AZIN2: variants seen among roughly 807,000 people sequenced by gnomAD.
AZIN2 encodes the protein antizyme inhibitor 2.
Under a neutral mutation model 47.8 loss-of-function variants are expected in AZIN2, and 28 were observed. The ratio of observed to expected loss-of-function variants is 0.59; its 90% CI spans 0.43 to 0.80. The LOEUF (loss-of-function observed/expected upper bound fraction) is 0.80, where lower values mean the gene tolerates loss of function less well. AZIN2 is among the 30% of genes least tolerant of loss of function. AZIN2 has a pLI of 0.00. For synonymous variants in AZIN2, 221 were observed against 239.4 expected, an observed-to-expected ratio of 0.92 and a Z score of 0.71; for missense variants, 535 against 582.5, an observed-to-expected ratio of 0.92 and a Z score of 0.84.
the AZIN2 span, chr1:33,146,285 G>T: frequency 5.2e-6 from 1 of 193,496 alleles, no homozygotes; most frequent in Non-Finnish European, 1.1e-5. Flanking sequence ...TCTGACAAGG[G>T]GTCCAGCCAA....
the AZIN2 span, among the ~76,000 whole-genome samples, chr1:33,150,083 G>T: frequency 2.0e-5 from 3 of 152,246 alleles, no homozygotes; most frequent in African/African-American, 7.2e-5. Flanking sequence ...TCTGCTCCCT[G>T]AGGGAGCTGA....
At chr1:33,101,680 A>G (rs906463068) in intron 10 of AZIN2, among the ~76,000 whole-genome samples, 1 of 152,170 alleles carries the variant, frequency 6.6e-6, no homozygotes, top group Non-Finnish European at 1.5e-5. Flanking sequence ...CTCATGCATT[A>G]TCATTCTCTG....
the AZIN2 span, among the ~76,000 whole-genome samples, chr1:33,139,173 C>G: frequency 2.6e-5 from 4 of 152,162 alleles, no homozygotes; most frequent in African/African-American, 9.7e-5. Flanking sequence ...CCTCTTTTCC[C>G]TGGCTCTCCC....
chr1:33,102,900 G>A (rs578075901), intron 10 of AZIN2, among the ~76,000 whole-genome samples: 4 of 152,154 alleles, frequency 2.6e-5, no homozygotes, highest in Non-Finnish European at 4.4e-5. Context: ...TCACTAAATA[G>A]CACTGCCACT....
At chr1:33,157,943 G>C in the AZIN2 span, among the ~76,000 whole-genome samples, 2 of 152,086 alleles carry the variant, frequency 1.3e-5, no homozygotes, top group Non-Finnish European at 2.9e-5. Flanking sequence ...TTTTAATAGA[G>C]ACAGGGTTTC....
At chr1:33,145,928 A>C in the AZIN2 span, 1 of 471,024 alleles carries the variant, frequency 2.1e-6, no homozygotes, top group East Asian at 7.0e-5. Flanking sequence ...TCCCCCAAAC[A>C]GAATCTCTTG....
Position 33,120,463 on chromosome 1 carries a change from C to T in AZIN2, c.*281C>T. 1 of 398,932 alleles carries T rather than the reference C, an allele frequency of 2.5e-6. No homozygotes were observed. Among genetic ancestry groups the T allele is most frequent in the Non-Finnish European group, 4.5e-6 (1 of 222,988 alleles). 24.7% of individuals were successfully genotyped at this position (398,932 alleles called of 1,614,324 possible). The stretch of plus-strand genomic sequence containing the variant: ...GGTGTGGGGGTGTTCTTGGGGTCTC[C>T]TTTGGTCTCCTTCCCACCTTTGTAA... On this transcript the variant is annotated 3_prime_UTR_variant, in exon 12 of 12. Transcript: ENST00000294517.
intron 10 of AZIN2, among the ~76,000 whole-genome samples, chr1:33,106,321 G>A (rs1013472691): frequency 1.3e-5 from 2 of 152,142 alleles, no homozygotes; most frequent in Non-Finnish European, 2.9e-5. Context: ...TGGCTTTACT[G>A]GTGAATTCTA....
intron 10 of AZIN2, among the ~76,000 whole-genome samples, chr1:33,107,231 C>T (rs1231526900): frequency 6.6e-6 from 1 of 151,598 alleles, no homozygotes; most frequent in Non-Finnish European, 1.5e-5. Flanking sequence ...TTGTAGTGAG[C>T]CGAGATCATG....
intron 5 of AZIN2, among the ~76,000 whole-genome samples, chr1:33,090,112 A>G (rs1642368588): frequency 6.6e-6 from 1 of 152,184 alleles, no homozygotes; most frequent in African/African-American, 2.4e-5. Context: ...TCCACCACCT[A>G]ATTTTATGAA....
the AZIN2 span, among the ~76,000 whole-genome samples, chr1:33,160,878 G>C: frequency 8.5e-5 from 13 of 152,322 alleles, no homozygotes; most frequent in Non-Finnish European, 1.0e-4. Flanking sequence ...AGCAAGGACT[G>C]GTGTTTATAG....
chr1:33,106,577 A>T (rs953613032), intron 10 of AZIN2, among the ~76,000 whole-genome samples: 2 of 152,160 alleles, frequency 1.3e-5, no homozygotes, highest in Admixed American at 6.5e-5. Context: ...TTTAAAGTGG[A>T]ATTTATCCCT....
At chr1:33,149,051 C>T in the AZIN2 span, among the ~76,000 whole-genome samples, 1 of 152,210 alleles carries the variant, frequency 6.6e-6, no homozygotes, top group African/African-American at 2.4e-5. Flanking sequence ...GTTGCAACCA[C>T]CCCCAGAGGC....
rs1367083599 is a variant in AZIN2 at position 33,093,384 on chromosome 1, G to A, written c.555G>A (p.Ala185=). 7 of 1,613,958 alleles carry A rather than the reference G, an allele frequency of 4.3e-6. No homozygotes were observed. The highest frequency in any genetic ancestry group is 1.1e-5 in the South Asian group (1 of 91,086). The part of the protein sequence containing the change: ...LKSCRHLLEN[A]KKHHVEVVGV... The stretch of plus-strand genomic sequence containing the variant: ...CCTGCAGACACCTGCTTGAAAATGC[G>A]AAGAAGCACCATGTGGAGGTGGTGG... Residue 185 remains alanine, a synonymous_variant, in exon 7 of 12, where the codon GCG becomes GCA. Coordinates refer to ENST00000294517, the MANE Select transcript of AZIN2 (RefSeq NM_052998.4).
At chr1:33,119,781 CA>C in intron 11 of AZIN2, 1 of 546,168 alleles carries the variant, frequency 1.8e-6, no homozygotes, top group East Asian at 3.1e-5. Flanking sequence ...TGGGAAGATA[CA>C]AATAGATAAT....
the AZIN2 span, chr1:33,160,039 G>A: frequency 2.1e-6 from 3 of 1,462,292 alleles, no homozygotes; most frequent in Middle Eastern, 1.8e-4. Flanking sequence ...CACACAGAGA[G>A]GAAAGGGTGG....
intron 4 of AZIN2, 101 bp from the exon 5 acceptor site, chr1:33,083,853 C>T (rs1641563109): frequency 7.1e-7 from 1 of 1,416,358 alleles, no homozygotes; most frequent in East Asian, 2.3e-5. Context: ...AGCTCTGTGG[C>T]CAGTACTGAA....
intron 4 of AZIN2, 131 bp from the exon 5 acceptor site, chr1:33,083,823 A>T: frequency 8.9e-7 from 1 of 1,124,584 alleles, no homozygotes; most frequent in Non-Finnish European, 1.3e-6. Context: ...GGGGAGGCCC[A>T]GAAAACTTAG....
Position 33,094,685 on chromosome 1 carries a change from C to T in AZIN2, c.725C>T (p.Thr242Ile), listed in dbSNP as rs372342982. The T allele has an allele frequency of 4.3e-6, 7 of 1,614,038 alleles. No homozygotes were observed. The highest frequency in any genetic ancestry group is 5.9e-6 in the Non-Finnish European group (7 of 1,180,034). Residue 242 changes from threonine (T) to isoleucine (I), a missense_variant, in exon 8 of 12, where the codon ACA (threonine) becomes ATA (isoleucine). This residue lies in a region of AZIN2 where 409 missense variants were observed against 429.0 expected (regional missense o/e 0.95). Transcript: ENST00000294517. ...GACCTTGGTGGTGGCTTCCCTGGCA[C>T]AGAAGGGGCCAAAGTGAGATTTGAA... ...VLDLGGGFPGTEGAKVRFEEI... is the reference protein window; with the variant it reads ...VLDLGGGFPGIEGAKVRFEEI...
Sources: allele counts gnomAD v4.1 joint callset (sites outside exome capture counted in the v4.1 genomes callset), GRCh38; gene constraint gnomAD v4.1.1; regional missense constraint gnomAD v4.1.1; transcripts MANE v1.5; gene names NCBI Gene and HGNC (gene_info 2026-07-23, HGNC 2026-07-21).